COBLL1: variants seen among roughly 807,000 people sequenced by gnomAD.
COBLL1 encodes cordon-bleu protein-like 1.
A neutral mutation model predicts 94.8 loss-of-function variants in COBLL1; 50 were observed. That is an observed-to-expected ratio of 0.53 (90% CI 0.42 to 0.67). The LOEUF (loss-of-function observed/expected upper bound fraction) is 0.67. Among genes scored for constraint, COBLL1 ranks in the 30% least tolerant of loss-of-function variants. The pLI, the probability that COBLL1 is intolerant of heterozygous loss-of-function variation, is 0.00. For missense variants in COBLL1, 1,362 were observed against 1,348.7 expected (o/e 1.01, Z -0.15); for synonymous variants, 448 against 473.8 (o/e 0.95, Z 0.71).
chr2:164,787,598 G>T (rs1559016109), intron 2 of COBLL1, among the ~76,000 whole-genome samples: 1 of 152,030 alleles, frequency 6.6e-6, no homozygotes, highest in African/African-American at 2.4e-5. Flanking sequence ...TCTGAATATA[G>T]CTTCTTATAC....
intron 2 of COBLL1, among the ~76,000 whole-genome samples, chr2:164,763,074 G>A (rs1687764569): frequency 6.6e-6 from 1 of 152,068 alleles, no homozygotes; most frequent in South Asian, 2.1e-4. Flanking sequence ...ATCTATGAGT[G>A]CTTTCACACA....
intron 7 of COBLL1, among the ~76,000 whole-genome samples, chr2:164,708,028 G>A (rs141622299): frequency 1.5e-3 from 224 of 152,252 alleles, no homozygotes; most frequent in African/African-American, 5.1e-3. Flanking sequence ...CACTTCAACA[G>A]GGAGAGAAAC....
Sources: gnomAD v4.1 joint callset for allele counts (sites outside exome capture counted in the v4.1 genomes callset) on GRCh38, gnomAD v4.1.1 for gene constraint, MANE v1.5 for transcripts, NCBI Gene and HGNC (gene_info 2026-07-23, HGNC 2026-07-21) for gene names.